TLCD3B: variants seen among roughly 807,000 people sequenced by gnomAD.
The protein encoded by TLCD3B is TLC domain containing 3B.
Under a neutral mutation model 23.0 loss-of-function variants are expected in TLCD3B, and 9 were observed. The ratio of observed to expected loss-of-function variants is 0.39; its 90% CI spans 0.24 to 0.68. TLCD3B has a LOEUF of 0.68. TLCD3B is among the 30% of genes least tolerant of loss of function. The pLI, the probability that TLCD3B is intolerant of heterozygous loss-of-function variation, is 0.44. For synonymous variants in TLCD3B, 161 were observed against 161.0 expected (o/e 1.00, Z 0.00); for missense variants, 307 against 371.8 (o/e 0.83, Z 1.43).
chr16:30,040,582 G>T (rs2071566113), intron 3 of TLCD3B, among the ~76,000 whole-genome samples: 1 of 152,062 alleles, frequency 6.6e-6, no homozygotes, highest in African/African-American at 2.4e-5. Flanking sequence ...GGGAAAAAGG[G>T]GAAGAGAAGG....
intron 2 of TLCD3B, among the ~76,000 whole-genome samples, chr16:30,045,282 T>G (rs1407665434): frequency 6.8e-6 from 1 of 146,120 alleles, no homozygotes; most frequent in Non-Finnish European, 1.5e-5. Flanking sequence ...GTGTGGTGTG[T>G]GTGTGGTGGG....
At chr16:30,032,064 TC>T (rs1316737574), upstream of TLCD3B, among the ~76,000 whole-genome samples, 2 of 152,058 alleles carry the variant, frequency 1.3e-5, no homozygotes, top group Non-Finnish European at 2.9e-5. Context: ...TGCTACTAGC[TC>T]CCCTTTCTCT....
At position 30,026,804 on chromosome 16, in the gene TLCD3B, G is replaced by A; in HGVS notation, c.249C>T (p.Pro83=). 1 of 1,614,170 alleles carries A rather than the reference G, an allele frequency of 6.2e-7. No homozygotes were observed. Among genetic ancestry groups the A allele is most frequent in the Non-Finnish European group, 8.5e-7 (1 of 1,180,036 alleles). The stretch of plus-strand genomic sequence containing the variant: ...TGGCGTAGATGTCGTAGATGAAGTA[G>A]GGCACAGCAAATTGCGTGTAGGCAG... ...LSSAYTQFAV[P]YFIYDIYAMF... Residue 83 remains proline, a synonymous_variant, in exon 3 of 5, where the codon CCC becomes CCT. Transcript: ENST00000380495.
intron 1 of TLCD3B, among the ~76,000 whole-genome samples, chr16:30,050,312 G>C (rs1365874157): frequency 1.3e-5 from 2 of 152,200 alleles, no homozygotes; most frequent in Non-Finnish European, 2.9e-5. Context: ...GCTGAGGCAG[G>C]AGGATCGCCT....
chr16:30,039,176 C>T (rs930734923), intron 3 of TLCD3B, among the ~76,000 whole-genome samples: 2 of 131,790 alleles, frequency 1.5e-5, no homozygotes, highest in South Asian at 2.5e-4. Context: ...CAGGCTGGAG[C>T]GCAATAGCGC....
chr16:30,030,227 C>A, intron 1 of TLCD3B, 176 bp downstream of exon 1: 1 of 1,222,328 alleles, frequency 8.2e-7, no homozygotes, highest in South Asian at 1.4e-5. Context: ...TGAGGTCTCC[C>A]AGAACAGTGA....
rs1042355162 is a variant in TLCD3B, at chr16:30,024,504, G to C, written c.*679C>G. ...GTCCCCCGACCCCAGATTGGAGGAA[G>C]CCTTGAGAGGTCAGTAGCACCAGGG... On this transcript the variant is annotated 3_prime_UTR_variant, in exon 5 of 5. Transcript: ENST00000380495. The C allele has an allele frequency of 2.3e-5, 12 of 526,610 alleles. No homozygotes were observed. The highest frequency in any genetic ancestry group is 4.1e-5 in the Non-Finnish European group (12 of 295,944). 32.6% of individuals were successfully genotyped at this position (526,610 alleles called of 1,614,324 possible).
chr16:30,037,643 G>A (rs2071500411), intron 3 of TLCD3B, among the ~76,000 whole-genome samples: 1 of 151,956 alleles, frequency 6.6e-6, no homozygotes, highest in South Asian at 2.1e-4. Flanking sequence ...CGAAAGAATG[G>A]AAAGAATTGC....
intron 3 of TLCD3B, among the ~76,000 whole-genome samples, chr16:30,036,946 G>A (rs1326951714): frequency 6.6e-6 from 1 of 151,592 alleles, no homozygotes; most frequent in Non-Finnish European, 1.5e-5. Context: ...TTAGCCAGGC[G>A]TGATGGTGGG....
At chr16:30,034,513 G>A (rs1237718597), upstream of TLCD3B, among the ~76,000 whole-genome samples, 2 of 151,946 alleles carry the variant, frequency 1.3e-5, no homozygotes, top group African/African-American at 2.4e-5. Context: ...AGGCTGCAGT[G>A]AGCCATGATC....
chr16:30,035,774 T>C (rs570017997), upstream of TLCD3B, among the ~76,000 whole-genome samples: 1 of 151,596 alleles, frequency 6.6e-6, no homozygotes, highest in South Asian at 2.1e-4. Context: ...TTCTTTTTTT[T>C]TTTTTGAGAT....
Position 30,024,966 on chromosome 16 carries a change from G to A in TLCD3B, c.*217C>T, listed in dbSNP as rs1003802810. ...GCGGTGCCCCCTCCCCTCCTCCAGCGCAAGGGTGTGCAGGAAGGGGGCAGA... is the reference window on the plus strand; with the variant it reads ...GCGGTGCCCCCTCCCCTCCTCCAGCACAAGGGTGTGCAGGAAGGGGGCAGA... On this transcript the variant is annotated 3_prime_UTR_variant, in exon 5 of 5. Coordinates refer to ENST00000380495, the MANE Select transcript of TLCD3B (RefSeq NM_031478.6). 2.3e-5 allele frequency: 11 copies of A among 487,238 alleles called. No individual in the cohort carries two copies. The highest frequency in any genetic ancestry group is 1.8e-4 in the African/African-American group (9 of 49,024). 30.2% of individuals were successfully genotyped at this position (487,238 alleles called of 1,614,324 possible). A position where few individuals can be genotyped will look rare whatever the true frequency, so the allele number is the denominator to read the frequency against.
chr16:30,037,791 G>T (rs1567306689), intron 3 of TLCD3B, among the ~76,000 whole-genome samples: 2 of 152,070 alleles, frequency 1.3e-5, no homozygotes, highest in Non-Finnish European at 2.9e-5. Flanking sequence ...TAGGATAAAA[G>T]GTAAAGAAGG....
Position 30,029,991 on chromosome 16 carries a change from C to T in TLCD3B, c.125+412G>A. On this transcript the variant is annotated intron_variant, in intron 1 of 4. Transcript: ENST00000380495. This position sits in a 1 kb window ranked among gnomAD's most constrained non-coding sequence, Gnocchi z 4.6. ...GACTGCCACCAGCCTCCACTCTGCA[C>T]TCTGGCCCTGTTCTAGGGGTGTAGA... 1 of 1,306,672 alleles carries T rather than the reference C, an allele frequency of 7.7e-7. No homozygotes were observed. The highest frequency in any genetic ancestry group is 1.5e-5 in the African/African-American group (1 of 66,430). 80.9% of individuals were successfully genotyped at this position (1,306,672 alleles called of 1,614,324 possible). A position where few individuals can be genotyped will look rare whatever the true frequency, so the allele number is the denominator to read the frequency against.
At chr16:30,027,738 A>G (rs1406451752) in intron 2 of TLCD3B, 3 of 446,072 alleles carry the variant, frequency 6.7e-6, no homozygotes, top group African/African-American at 2.0e-5. Flanking sequence ...GAGTCAGCAC[A>G]TTGGCAGTTT....
intron 1 of TLCD3B, among the ~76,000 whole-genome samples, chr16:30,049,051 G>A (rs1233945514): frequency 2.0e-5 from 3 of 152,174 alleles, no homozygotes; most frequent in East Asian, 1.9e-4. Context: ...GATTACAGGC[G>A]TGAGCCACTG....
chr16:30,030,252 G>A, intron 1 of TLCD3B, 151 bp downstream of exon 1: 2 of 1,107,538 alleles, frequency 1.8e-6, no homozygotes, highest in South Asian at 3.0e-5. Context: ...GGCAGGCAGT[G>A]AGGAGAGAGG....
intron 2 of TLCD3B, chr16:30,041,237 T>C (rs1413703637): frequency 1.3e-5 from 2 of 152,086 alleles, no homozygotes; most frequent in Non-Finnish European, 2.9e-5. Flanking sequence ...CCACAAGAGA[T>C]ATCTTTTATT....
intron 2 of TLCD3B, among the ~76,000 whole-genome samples, chr16:30,043,294 G>T (rs2071606400): frequency 1.3e-5 from 2 of 152,078 alleles, no homozygotes; most frequent in African/African-American, 4.8e-5. Flanking sequence ...GGTACGATTA[G>T]CTCACTGTAA....
Sources: gnomAD v4.1 joint callset for allele counts (sites outside exome capture counted in the v4.1 genomes callset) on GRCh38, gnomAD v4.1.1 for gene constraint, Gnocchi (gnomAD v3.1) non-coding constraint, MANE v1.5 for transcripts, NCBI Gene and HGNC (gene_info 2026-07-23, HGNC 2026-07-21) for gene names.